The following CCDC47 variants were observed in gnomAD, a reference collection of about 807,000 sequenced individuals.
CCDC47 encodes coiled-coil domain containing 47.
Under a neutral mutation model 60.5 loss-of-function variants are expected in CCDC47, and 41 were observed. The ratio of observed to expected loss-of-function variants is 0.68; its 90% CI spans 0.53 to 0.88. The LOEUF is 0.88. Among genes scored for constraint, CCDC47 ranks in the 40% least tolerant of loss-of-function variants. CCDC47 has a pLI of 0.00. For synonymous variants in CCDC47, 195 were observed against 190.7 expected, an observed-to-expected ratio of 1.02 and a Z score of -0.18; for missense variants, 513 against 580.9, an observed-to-expected ratio of 0.88 and a Z score of 1.20.
chr17:63,759,504 AAAAAATATATATATATATATATTTATAT>A lies in CCDC47; in HGVS notation c.735+1382_735+1409del, dbSNP rs2039233431. On this transcript the variant is annotated intron_variant, in intron 6 of 12. Coordinates refer to ENST00000225726, the MANE Select transcript of CCDC47 (RefSeq NM_020198.3). ...ATTCTGTCTCCCAAAAAAAAAAAAA[AAAAAATATATATATATATATATTTATAT>A]ATATATATATATATATATATATATA... 1.5e-4 allele frequency among the ~76,000 whole-genome samples: 4 copies of A among 25,812 alleles called. 1 individual carries two copies. The highest frequency in any genetic ancestry group is 1.8e-3 in the East Asian group (2 of 1,122). 16.9% of individuals were successfully genotyped at this position (25,812 alleles called of 152,430 possible).
At chr17:63,751,184 TTC>T (rs1209473563) in intron 12 of CCDC47, among the ~76,000 whole-genome samples, 4 of 151,386 alleles carry the variant, frequency 2.6e-5, no homozygotes, top group Non-Finnish European at 4.4e-5. Flanking sequence ...CTGGCCTTTG[TTC>T]TCTTTCTTGA....
At chr17:63,765,631 T>C in intron 2 of CCDC47, 1 of 1,099,946 alleles carries the variant, frequency 9.1e-7, no homozygotes, top group African/African-American at 1.7e-5. Context: ...TGAGCCACCG[T>C]GCCCAGCCAA....
intron 1 of CCDC47, chr17:63,766,993 A>C (rs1333949498): frequency 1.0e-6 from 1 of 953,710 alleles, no homozygotes; most frequent in African/African-American, 1.8e-5. Context: ...TATGTGCTAG[A>C]CACTGTTCCA....
At chr17:63,757,197 CA>C (rs201632430) in intron 6 of CCDC47, among the ~76,000 whole-genome samples, 40,129 of 99,760 alleles carry the variant, frequency 0.4, 6,244 homozygotes, top group South Asian at 0.61. Flanking sequence ...CCCATCTGTA[CA>C]AAAAAAAAAA....
Position 63,771,061 on chromosome 17 carries a change from A to AAAGAAAGAAATT in CCDC47, c.-20+2350_-20+2351insAATTTCTTTCTT, listed in dbSNP as rs774827952. On this transcript the variant is annotated intron_variant, in intron 1 of 12. Transcript: ENST00000225726. ...GGAAGGAAGGAAGAAAGAAAGAAAG[A>AAAGAAAGAAATT]AATTAAATGTTCTTAGAATTAAAGT... Among the ~76,000 whole-genome samples the AAAGAAAGAAATT allele has an allele frequency of 1.1e-4, 16 of 147,150 alleles. No individual in the cohort carries two copies. In the East Asian group the frequency reaches 2.5e-3, roughly 23 times the overall value.
At chr17:63,762,520 G>GT (rs1159752498) in intron 4 of CCDC47, among the ~76,000 whole-genome samples, 1 of 152,182 alleles carries the variant, frequency 6.6e-6, no homozygotes, top group African/African-American at 2.4e-5. Context: ...TGTATGCAAA[G>GT]TATCTAGCAT....
At chr17:63,768,112 A>G (rs1598312159) in intron 1 of CCDC47, among the ~76,000 whole-genome samples, 2 of 152,216 alleles carry the variant, frequency 1.3e-5, no homozygotes, top group South Asian at 2.1e-4. Context: ...TAAGGATTCA[A>G]TAATCATCAA....
chr17:63,755,337 AG>A (rs1214691746), intron 8 of CCDC47: 1 of 983,088 alleles, frequency 1.0e-6, no homozygotes, highest in African/African-American at 1.7e-5. Context: ...GTAGTACTCC[AG>A]GCTGGGTGCA....
intron 4 of CCDC47, 81 bp downstream of exon 4, chr17:63,763,935 G>T: frequency 1.9e-6 from 2 of 1,071,704 alleles, no homozygotes; most frequent in East Asian, 2.8e-5. Context: ...AAAGCAGTTA[G>T]ATGCTTATAC....
chr17:63,766,833 GAGA>G (rs2039301482), intron 1 of CCDC47: 2 of 978,444 alleles, frequency 2.0e-6, no homozygotes, highest in Middle Eastern at 5.2e-4. Flanking sequence ...TATAGAAAAT[GAGA>G]AGGAGGTAAA....
intron 6 of CCDC47, among the ~76,000 whole-genome samples, chr17:63,757,161 G>T (rs1019534285): frequency 2.9e-5 from 4 of 139,516 alleles, no homozygotes; most frequent in African/African-American, 1.1e-4. Flanking sequence ...AGGAGTTCAA[G>T]ACCAGCCTAG....
intron 12 of CCDC47, among the ~76,000 whole-genome samples, chr17:63,750,137 T>G (rs1352221516): frequency 6.6e-6 from 1 of 152,162 alleles, no homozygotes; most frequent in African/African-American, 2.4e-5. Context: ...AAGCTTACAA[T>G]CTGACTCAGG....
intron 12 of CCDC47, chr17:63,747,277 G>A: frequency 1.0e-6 from 1 of 984,782 alleles, no homozygotes; most frequent in Non-Finnish European, 1.2e-6. Flanking sequence ...GGAACACTTA[G>A]CCTGATGTTC....
chr17:63,773,100 G>A (rs2039363307), intron 1 of CCDC47, among the ~76,000 whole-genome samples: 1 of 152,152 alleles, frequency 6.6e-6, no homozygotes, highest in Non-Finnish European at 1.5e-5. Context: ...ATATGTGTTG[G>A]ATACAAACAC....
At chr17:63,751,832 G>C in intron 12 of CCDC47, 108 bp downstream of exon 12, 1 of 1,216,150 alleles carries the variant, frequency 8.2e-7, no homozygotes, top group African/African-American at 1.5e-5. Context: ...CCCAAATGTT[G>C]AGAAAATGCT....
intron 2 of CCDC47, chr17:63,765,188 T>C (rs2144494094): frequency 6.5e-6 from 1 of 154,276 alleles, no homozygotes; most frequent in African/African-American, 2.4e-5. Context: ...TTGATTGTGG[T>C]AAGCACTTCA....
At chr17:63,760,371 G>A (rs1434186027) in intron 6 of CCDC47, among the ~76,000 whole-genome samples, 1 of 152,158 alleles carries the variant, frequency 6.6e-6, no homozygotes, top group Admixed American at 6.5e-5. Context: ...TCTATGTGGT[G>A]ACAGAGTATC....
chr17:63,771,983 G>A, intron 1 of CCDC47, among the ~76,000 whole-genome samples: 1 of 152,032 alleles, frequency 6.6e-6, no homozygotes. Flanking sequence ...TCGGGACGCT[G>A]AGGCAGGAGA....
At chr17:63,747,948 G>C (rs557775371) in intron 12 of CCDC47, 1 of 209,364 alleles carries the variant, frequency 4.8e-6, no homozygotes, top group African/African-American at 2.4e-5. Flanking sequence ...TCTGCCTTCC[G>C]GGTTCAAGCC....
Sources: allele counts gnomAD v4.1 joint callset (sites outside exome capture counted in the v4.1 genomes callset), GRCh38; gene constraint gnomAD v4.1.1; transcripts MANE v1.5; gene names NCBI Gene and HGNC (gene_info 2026-07-23, HGNC 2026-07-21).